COL4A2: variants seen among roughly 807,000 people sequenced by gnomAD.
COL4A2 encodes the protein collagen type IV alpha 2 chain, also known as collagen alpha-2(IV) chain.
In COL4A2, 99 loss-of-function variants were observed where a neutral mutation model predicts 200.2. The observed-to-expected ratio is 0.49, with a 90% CI of 0.42 to 0.58. The LOEUF is 0.58. Among genes scored for constraint, COL4A2 ranks in the 20% least tolerant of loss-of-function variants. The pLI is 0.00. For synonymous variants in COL4A2, 897 were observed against 900.6 expected, an observed-to-expected ratio of 1.00 and a Z score of 0.07; for missense variants, 1,950 against 2,314.1, an observed-to-expected ratio of 0.84 and a Z score of 3.23.
At chr13:110,308,276 G>A (rs2139334917) in intron 3 of COL4A2, among the ~76,000 whole-genome samples, 153 bp downstream of exon 3, 1 of 152,306 alleles carries the variant, frequency 6.6e-6, no homozygotes, top group South Asian at 2.1e-4. Context: ...GAGAAAGCTT[G>A]CTCTTCCCTC....
chr13:110,470,678 A>G (rs1327836030), intron 28 of COL4A2, among the ~76,000 whole-genome samples: 1 of 152,158 alleles, frequency 6.6e-6, no homozygotes, highest in African/African-American at 2.4e-5. Flanking sequence ...GGAATATCAC[A>G]CAGAACATCG....
chr13:110,363,197 G>T (rs999390350), intron 4 of COL4A2, among the ~76,000 whole-genome samples: 1 of 152,202 alleles, frequency 6.6e-6, no homozygotes, highest in African/African-American at 2.4e-5. Flanking sequence ...ATGCATCCAG[G>T]CGGTACCCAC....
Position 110,512,005 on chromosome 13 carries a change from C to T in COL4A2, c.4953C>T (p.Arg1651=), listed in dbSNP as rs773440120. The change falls in exon 48 of 48, where the codon CGC becomes CGT. Residue 1651 remains arginine (R), a synonymous_variant. Coordinates refer to ENST00000360467, the MANE Select transcript of COL4A2 (RefSeq NM_001846.4). ...VSPGSCLEDF[R]ATPFIECNGG... ...CGGGCAGCTGTCTAGAGGACTTCCG[C>T]GCCACACCATTCATCGAATGCAATG... 17 of 1,613,472 alleles carry T rather than the reference C, an allele frequency of 1.1e-5. No homozygotes were observed. Among genetic ancestry groups the T allele is most frequent in the Admixed American group, 1.7e-5 (1 of 60,008 alleles).
At position 110,307,662 on chromosome 13, in the gene COL4A2, T is replaced by C. The variant is rs1884818372; in HGVS notation, c.-45+134T>C. On this transcript the variant is annotated intron_variant, in intron 1 of 47. Coordinates refer to ENST00000360467, the MANE Select transcript of COL4A2 (RefSeq NM_001846.4). The surrounding 1 kb of genome is among the most constrained non-coding windows in gnomAD (Gnocchi z 5.0). Reference sequence around the variant, plus strand: ...GAGGGTGGGAGAGCGAAGACCGAGCTCCTCGGCCAAGGAGCACCCACAGGG... The same window carrying C: ...GAGGGTGGGAGAGCGAAGACCGAGCCCCTCGGCCAAGGAGCACCCACAGGG... The C allele has an allele frequency of 1.7e-6, 1 of 572,362 alleles. No homozygotes were observed. The highest frequency in any genetic ancestry group is 2.4e-5 in the South Asian group (1 of 42,468). 35.5% of individuals were successfully genotyped at this position (572,362 alleles called of 1,614,324 possible).
intron 4 of COL4A2, among the ~76,000 whole-genome samples, chr13:110,360,635 C>T (rs1010576473): frequency 6.6e-6 from 1 of 152,218 alleles, no homozygotes; most frequent in Admixed American, 6.5e-5. Flanking sequence ...AAATCGACAC[C>T]TTCTGGTTAA....
chr13:110,320,704 T>C (rs917722830), intron 3 of COL4A2, among the ~76,000 whole-genome samples: 1 of 152,210 alleles, frequency 6.6e-6, no homozygotes, highest in Non-Finnish European at 1.5e-5. Flanking sequence ...ATAAGTGTAT[T>C]TAAAAGGAAA....
At chr13:110,388,631 G>A (rs1362048422) in intron 4 of COL4A2, among the ~76,000 whole-genome samples, 2 of 152,132 alleles carry the variant, frequency 1.3e-5, no homozygotes, top group Non-Finnish European at 2.9e-5. Context: ...CCTGTGATGA[G>A]TCAGCAAAAA....
intron 3 of COL4A2, among the ~76,000 whole-genome samples, chr13:110,317,740 G>A (rs751232350): frequency 2.0e-5 from 3 of 152,236 alleles, no homozygotes; most frequent in Non-Finnish European, 4.4e-5. Flanking sequence ...GGCCACTGGG[G>A]TAAATGCTGC....
In COL4A2 at chr13:110,493,048, C is replaced by T. The variant is rs370382680; in HGVS notation, c.3563-163C>T. Among the ~76,000 whole-genome samples the T allele has an allele frequency of 5.9e-5, 9 of 151,674 alleles. No individual in the cohort carries two copies. In the South Asian group the frequency reaches 1.9e-3, roughly 32 times the overall value. On this transcript the variant is annotated intron_variant, in intron 38 of 47. Transcript: ENST00000360467. ...ATGAAATAACAATGAGTGACACCCC[C>T]ACAGGTGAAATAACGATGAGTGACA...
intron 3 of COL4A2, among the ~76,000 whole-genome samples, chr13:110,331,943 C>T (rs1338517714): frequency 6.6e-6 from 1 of 152,088 alleles, no homozygotes; most frequent in Non-Finnish European, 1.5e-5. Context: ...TTCACTCTGT[C>T]TTTTCTGTCT....
chr13:110,472,876 A>T, intron 28 of COL4A2, 53 bp from the exon 29 acceptor site: 1 of 1,512,874 alleles, frequency 6.6e-7, no homozygotes, highest in Non-Finnish European at 9.0e-7. Context: ...CTCTTCTCTT[A>T]GAACGTCACC....
chr13:110,511,910 T>C (rs770609203), intron 47 of COL4A2, 24 bp from the exon 48 acceptor site: 1 of 1,613,072 alleles, frequency 6.2e-7, no homozygotes, highest in Admixed American at 1.7e-5. Context: ...TTCCTAACCC[T>C]GTCCTGCCCC....
At chr13:110,503,542 GA>G in intron 43 of COL4A2, 61 bp downstream of exon 43, 5 of 1,049,582 alleles carry the variant, frequency 4.8e-6, no homozygotes, top group Non-Finnish European at 6.9e-6. Context: ...CAGGCTTGGG[GA>G]CATCCTGGAG....
intron 3 of COL4A2, among the ~76,000 whole-genome samples, chr13:110,329,631 T>C (rs1875811761): frequency 6.6e-6 from 1 of 152,202 alleles, no homozygotes; most frequent in Non-Finnish European, 1.5e-5. Context: ...CCAGTGGAAG[T>C]CAATAACATG....
At chr13:110,428,766 G>C (rs1396842993) in intron 7 of COL4A2, among the ~76,000 whole-genome samples, 183 bp downstream of exon 7, 1 of 152,232 alleles carries the variant, frequency 6.6e-6, no homozygotes, top group Admixed American at 6.5e-5. Context: ...TTAAATGTTA[G>C]ATAGAAAATC....
chr13:110,354,492 A>G (rs1182049543), intron 3 of COL4A2, among the ~76,000 whole-genome samples: 1 of 152,168 alleles, frequency 6.6e-6, no homozygotes, highest in Non-Finnish European at 1.5e-5. Flanking sequence ...AGGATTTTAT[A>G]TATGTTTACT....
chr13:110,415,786 C>T (rs1880019732), intron 4 of COL4A2, among the ~76,000 whole-genome samples: 2 of 152,246 alleles, frequency 1.3e-5, no homozygotes, highest in Admixed American at 1.3e-4. Context: ...AGGCCACCCA[C>T]ACGCCTTTCC....
intron 3 of COL4A2, among the ~76,000 whole-genome samples, chr13:110,355,199 T>TA (rs1877139776): frequency 6.6e-6 from 1 of 152,214 alleles, no homozygotes; most frequent in Non-Finnish European, 1.5e-5. Flanking sequence ...AACTGTGTGA[T>TA]AATAGGGAGG....
Position 110,355,350 on chromosome 13 carries a change from G to T in COL4A2, c.100-2122G>T, listed in dbSNP as rs1311258832. On this transcript the variant is annotated intron_variant, in intron 3 of 47. Transcript: ENST00000360467. Reference sequence around the variant, plus strand: ...GAGAGGGCTGCACTAGCTCACCTGTGTGTGTGGGGGAGGGCTGCACTAGCT... The same window carrying T: ...GAGAGGGCTGCACTAGCTCACCTGTTTGTGTGGGGGAGGGCTGCACTAGCT... Among the ~76,000 whole-genome samples the T allele has an allele frequency of 3.5e-4, 48 of 137,010 alleles. 7 individuals carry two copies. The highest frequency in any genetic ancestry group is 1.2e-3 in the African/African-American group (39 of 33,028). 89.9% of individuals were successfully genotyped at this position (137,010 alleles called of 152,430 possible).
Sources: gnomAD v4.1 joint callset for allele counts (sites outside exome capture counted in the v4.1 genomes callset) on GRCh38, gnomAD v4.1.1 for gene constraint, Gnocchi (gnomAD v3.1) non-coding constraint, MANE v1.5 for transcripts, NCBI Gene and HGNC (gene_info 2026-07-23, HGNC 2026-07-21) for gene names.